Variants in CSNK1G3 observed in about 807,000 individuals in gnomAD.
CSNK1G3 encodes the protein casein kinase I isoform gamma-3.
CSNK1G3 carries 23 observed loss-of-function variants against 64.3 expected under a neutral mutation model. The observed-to-expected ratio is 0.36, with a 90% confidence interval of 0.26 to 0.51. The LOEUF is 0.51. Ranked by LOEUF, CSNK1G3 falls within the 20% of genes least tolerant of loss-of-function variation. The pLI is 0.96. For synonymous variants in CSNK1G3, 158 were observed against 162.2 expected (o/e 0.97, Z 0.20); for missense variants, 357 against 510.5 (o/e 0.70, Z 2.90).
chr5:123,576,004 A>C (rs777567925), intron 6 of CSNK1G3, 41 bp downstream of exon 6: 57 of 1,334,316 alleles, frequency 4.3e-5, no homozygotes, highest in Non-Finnish European at 5.9e-5. Context: ...TGAACTTAGC[A>C]GCTGTGCTAA....
In CSNK1G3 at chr5:123,599,076, C is replaced by A. The variant is rs570987588; in HGVS notation, c.1087-5648C>A. ...ACCACTGACAACAGATAGTAGTAATCTCTAATTCCATTTTAGCTATGCTTT... is the reference window on the plus strand; with the variant it reads ...ACCACTGACAACAGATAGTAGTAATATCTAATTCCATTTTAGCTATGCTTT... On this transcript the variant is annotated intron_variant, in intron 10 of 12. Transcript: ENST00000345990. Among the ~76,000 whole-genome samples, 10 of 152,274 alleles carry A rather than the reference C, an allele frequency of 6.6e-5. No homozygotes were observed. In the East Asian group the frequency reaches 1.7e-3, roughly 26 times the overall value.
At chr5:123,528,433 C>T (rs985994438) in intron 1 of CSNK1G3, among the ~76,000 whole-genome samples, 2 of 152,078 alleles carry the variant, frequency 1.3e-5, no homozygotes, top group Non-Finnish European at 2.9e-5. Flanking sequence ...TCAATGTTGA[C>T]TGCTATGTGT....
rs548711066 is a variant in CSNK1G3, at chr5:123,612,753, C to T, written c.1218-1589C>T. Among the ~76,000 whole-genome samples the T allele has an allele frequency of 7.0e-4, 107 of 152,070 alleles. 1 individual carries two copies. The highest frequency in any genetic ancestry group is 1.2e-3 in the Non-Finnish European group (81 of 67,962). Reference sequence around the variant, plus strand: ...GGCCTCCCAAAGTGCTGGGATTACACGCATGAGCCACCCCTCCTGGCCAAA... The same window carrying T: ...GGCCTCCCAAAGTGCTGGGATTACATGCATGAGCCACCCCTCCTGGCCAAA... On this transcript the variant is annotated intron_variant, in intron 12 of 12. Transcript: ENST00000345990.
At chr5:123,552,558 G>T (rs935844272) in intron 2 of CSNK1G3, among the ~76,000 whole-genome samples, 1 of 152,068 alleles carries the variant, frequency 6.6e-6, no homozygotes, top group Non-Finnish European at 1.5e-5. Flanking sequence ...GTAAGGTGAG[G>T]CACCAGTAAC....
intron 4 of CSNK1G3, among the ~76,000 whole-genome samples, chr5:123,566,701 G>C (rs1581166340): frequency 6.6e-6 from 1 of 152,128 alleles, no homozygotes; most frequent in South Asian, 2.1e-4. Context: ...AAACTGTCCA[G>C]ACTTGTTCTG....
rs1473800765 is a variant in CSNK1G3, at chr5:123,612,464, G to GGGACACTT, written c.1218-1876_1218-1869dup. ...TATATTCTGTAATCTTTTGCCGGGTGGGACACTTGAAGCTATTTTTTTTTT... is the reference window on the plus strand; with the variant it reads ...TATATTCTGTAATCTTTTGCCGGGTGGGACACTTGGACACTTGAAGCTATTTTTTTTTT... On this transcript the variant is annotated intron_variant, in intron 12 of 12. Transcript: ENST00000345990. 1.3e-4 allele frequency among the ~76,000 whole-genome samples: 20 copies of GGGACACTT among 151,728 alleles called. 1 individual carries two copies. The South Asian group carries it at 4.2e-3, about 32-fold the overall frequency.
At chr5:123,549,628 A>G (rs1171717939) in intron 2 of CSNK1G3, among the ~76,000 whole-genome samples, 1 of 152,222 alleles carries the variant, frequency 6.6e-6, no homozygotes, top group Non-Finnish European at 1.5e-5. Context: ...GGGAAACCCC[A>G]GTAAATGCTT....
intron 12 of CSNK1G3, among the ~76,000 whole-genome samples, chr5:123,607,515 T>C (rs1159994866): frequency 6.6e-6 from 1 of 152,170 alleles, no homozygotes; most frequent in Non-Finnish European, 1.5e-5. Context: ...CCACATGTTA[T>C]GTGATTCCAT....
chr5:123,592,693 T>C (rs1274739326), intron 10 of CSNK1G3, among the ~76,000 whole-genome samples: 1 of 151,838 alleles, frequency 6.6e-6, no homozygotes, highest in African/African-American at 2.4e-5. Flanking sequence ...TTAAAAATCA[T>C]AGCAAAATAA....
At chr5:123,545,389 G>T in intron 1 of CSNK1G3, 28 bp from the exon 2 acceptor site, 1 of 265,232 alleles carries the variant, frequency 3.8e-6, no homozygotes, top group Non-Finnish European at 7.1e-6. Context: ...ATTCTTAGTT[G>T]ACTAATTTCC....
intron 1 of CSNK1G3, among the ~76,000 whole-genome samples, chr5:123,538,585 G>A (rs574533382): frequency 6.6e-6 from 1 of 152,262 alleles, no homozygotes; most frequent in East Asian, 1.9e-4. Flanking sequence ...CTGTCGGGGA[G>A]TGGGGAGCTA....
chr5:123,590,518 A>G lies in CSNK1G3; in HGVS notation c.950A>G (p.Tyr317Cys), dbSNP rs773501782. Residue 317 changes from tyrosine (Y) to cysteine (C), a missense_variant, in exon 9 of 13, where the codon TAT (tyrosine) becomes TGT (cysteine). This residue lies in a region of CSNK1G3 where 187 missense variants were observed against 217.1 expected (regional missense o/e 0.86). Transcript: ENST00000345990. ...ACTGACTTGTTTGATCGAAAAGGAT[A>G]TATGTTTGATTATGAATATGACTGG... The G allele has an allele frequency of 2.6e-6, 4 of 1,533,018 alleles. No individual in the cohort carries two copies. The highest frequency in any genetic ancestry group is 2.6e-6 in the Non-Finnish European group (3 of 1,145,668). The allele number at this position is 1,533,018 out of a possible 1,614,324, so 95.0% of individuals were successfully genotyped here.
At chr5:123,563,781 T>A (rs1480710550) in intron 4 of CSNK1G3, among the ~76,000 whole-genome samples, 1 of 152,072 alleles carries the variant, frequency 6.6e-6, no homozygotes, top group Non-Finnish European at 1.5e-5. Context: ...TAAGCTGTTG[T>A]TTGAAAAAAT....
intron 1 of CSNK1G3, among the ~76,000 whole-genome samples, chr5:123,533,402 A>G (rs1780266078): frequency 6.6e-6 from 1 of 151,952 alleles, no homozygotes; most frequent in Admixed American, 6.6e-5. Context: ...CGGTATTATG[A>G]CAAGCTTTTG....
chr5:123,580,231 T>G (rs1273503556), intron 6 of CSNK1G3, among the ~76,000 whole-genome samples: 1 of 151,954 alleles, frequency 6.6e-6, no homozygotes, highest in Non-Finnish European at 1.5e-5. Context: ...CATTCATTCT[T>G]AGGCACTCAA....
At chr5:123,552,925 T>C (rs1418273172) in intron 2 of CSNK1G3, 182 bp from the exon 3 acceptor site, 1 of 382,404 alleles carries the variant, frequency 2.6e-6, no homozygotes, top group East Asian at 4.4e-5. Context: ...CTAGGTGAAA[T>C]ACTAAATACA....
At chr5:123,560,882 AGATG>A (rs1785567494) in intron 4 of CSNK1G3, among the ~76,000 whole-genome samples, 1 of 152,204 alleles carries the variant, frequency 6.6e-6, no homozygotes, top group African/African-American at 2.4e-5. Context: ...CAAATTTTGG[AGATG>A]GATGGATGGT....
chr5:123,539,353 G>A (rs1293130076), intron 1 of CSNK1G3, among the ~76,000 whole-genome samples: 1 of 150,968 alleles, frequency 6.6e-6, no homozygotes, highest in African/African-American at 2.4e-5. Flanking sequence ...GCTGGGGTGG[G>A]AAAATCACCA....
intron 6 of CSNK1G3, among the ~76,000 whole-genome samples, chr5:123,579,681 T>A (rs796393813): frequency 6.6e-5 from 10 of 152,116 alleles, no homozygotes; most frequent in African/African-American, 2.4e-4. Flanking sequence ...GAGTGTGATA[T>A]GTTTGTCATT....
Sources: allele counts gnomAD v4.1 joint callset (sites outside exome capture counted in the v4.1 genomes callset), GRCh38; gene constraint gnomAD v4.1.1; regional missense constraint gnomAD v4.1.1; transcripts MANE v1.5; gene names NCBI Gene and HGNC (gene_info 2026-07-23, HGNC 2026-07-21).